MRTFB: variants seen among roughly 807,000 people sequenced by gnomAD.
MRTFB encodes myocardin related transcription factor B.
MRTFB carries 29 observed loss-of-function variants against 104.2 expected under a neutral mutation model. That is an observed-to-expected ratio of 0.28 (90% CI 0.21 to 0.38). The LOEUF (loss-of-function observed/expected upper bound fraction) is 0.38, where lower values mean the gene tolerates loss of function less well. Among genes scored for constraint, MRTFB ranks in the 10% least tolerant of loss-of-function variants. The pLI is 1.00. For synonymous variants in MRTFB, 535 were observed against 519.5 expected (o/e 1.03, Z -0.41); for missense variants, 1,270 against 1,341.6 (o/e 0.95, Z 0.83).
At chr16:14,216,172 C>G (rs905950952) in intron 6 of MRTFB, among the ~76,000 whole-genome samples, 1 of 152,180 alleles carries the variant, frequency 6.6e-6, no homozygotes, top group African/African-American at 2.4e-5. Flanking sequence ...TGCAGGGTAA[C>G]CTCCTAGCCA....
chr16:14,093,593 T>TA (rs913015681), intron 2 of MRTFB, among the ~76,000 whole-genome samples: 20 of 152,310 alleles, frequency 1.3e-4, no homozygotes, highest in Non-Finnish European at 2.6e-4. Context: ...TATGATCATT[T>TA]AAAAAAACAG....
intron 3 of MRTFB, chr16:14,150,824 T>C (rs1291378268): frequency 6.6e-6 from 1 of 152,232 alleles, no homozygotes; most frequent in Non-Finnish European, 1.5e-5. Flanking sequence ...ATGGTACATA[T>C]CAAGCAATTC....
the MRTFB span, among the ~76,000 whole-genome samples, chr16:14,050,826 A>T: frequency 2.0e-5 from 3 of 152,112 alleles, no homozygotes; most frequent in African/African-American, 7.2e-5. Context: ...CTGCTCTTGG[A>T]GGTCTCGATA....
At chr16:14,106,526 G>C (rs916269949) in intron 2 of MRTFB, among the ~76,000 whole-genome samples, 1 of 152,206 alleles carries the variant, frequency 6.6e-6, no homozygotes, top group Non-Finnish European at 1.5e-5. Context: ...AACTATGTGA[G>C]TGAGTTATTT....
At chr16:14,086,006 A>G (rs1007548568) in intron 2 of MRTFB, among the ~76,000 whole-genome samples, 1 of 152,240 alleles carries the variant, frequency 6.6e-6, no homozygotes, top group Non-Finnish European at 1.5e-5. Context: ...GTTTCATAGT[A>G]TAGACATGGG....
At chr16:14,244,904 T>G (rs776139034) in intron 10 of MRTFB, among the ~76,000 whole-genome samples, 19 of 152,232 alleles carry the variant, frequency 1.2e-4, no homozygotes, top group Non-Finnish European at 1.9e-4. Flanking sequence ...ATGTGCTGTT[T>G]AAGAAATCTT....
At chr16:14,157,668 G>C (rs544054678) in intron 3 of MRTFB, among the ~76,000 whole-genome samples, 22 of 152,292 alleles carry the variant, frequency 1.4e-4, no homozygotes, top group African/African-American at 4.8e-4. Flanking sequence ...GAGAATAACT[G>C]ATCTACAGCA....
At chr16:14,178,931 T>C (rs1029120741) in intron 3 of MRTFB, among the ~76,000 whole-genome samples, 3 of 152,064 alleles carry the variant, frequency 2.0e-5, no homozygotes, top group African/African-American at 7.2e-5. Context: ...TTTGTAGAGA[T>C]GGGGTTTCAC....
intron 16 of MRTFB, among the ~76,000 whole-genome samples, 180 bp downstream of exon 16, chr16:14,258,341 G>A (rs548115034): frequency 3.7e-4 from 57 of 152,238 alleles, no homozygotes; most frequent in Non-Finnish European, 3.8e-4. Flanking sequence ...GGCCAGGTGC[G>A]GTGGCTCACG....
chr16:14,261,675 G>T lies in MRTFB; in HGVS notation c.*231G>T, dbSNP rs2151485848. The T allele has an allele frequency of 4.4e-6, 2 of 458,252 alleles. No homozygotes were observed. The highest frequency in any genetic ancestry group is 6.7e-5 in the East Asian group (2 of 29,678). The allele number at this position is 458,252 out of a possible 1,614,324, so 28.4% of individuals were successfully genotyped here. On this transcript the variant is annotated 3_prime_UTR_variant, in exon 17 of 17. Transcript: ENST00000571589. ...ACAGGGCCTTCTGAAAATCGCACTT[G>T]TCAAAGACGACTCATCTATTTCTCC...
chr16:14,024,897 C>A, the MRTFB span, among the ~76,000 whole-genome samples: 1 of 152,166 alleles, frequency 6.6e-6, no homozygotes, highest in African/African-American at 2.4e-5. Context: ...AACAAAGACA[C>A]AGAGAAGTTA....
chr16:14,020,149 C>T, the MRTFB span, among the ~76,000 whole-genome samples: 1 of 152,082 alleles, frequency 6.6e-6, no homozygotes, highest in African/African-American at 2.4e-5. Context: ...TCCACTGTCC[C>T]ATGACCTTGC....
At chr16:14,205,176 A>G (rs2040885866) in intron 3 of MRTFB, among the ~76,000 whole-genome samples, 1 of 151,978 alleles carries the variant, frequency 6.6e-6, no homozygotes, top group East Asian at 1.9e-4. Context: ...ATTATCGGTG[A>G]TTTTCTTTTT....
chr16:14,252,558 G>T (rs1032128602), intron 15 of MRTFB, 56 bp downstream of exon 15: 1 of 1,601,164 alleles, frequency 6.2e-7, no homozygotes, highest in African/African-American at 1.3e-5. Flanking sequence ...CCCACGTTCA[G>T]TCTCGAGCAG....
intron 2 of MRTFB, among the ~76,000 whole-genome samples, chr16:14,132,265 G>A (rs780637162): frequency 6.6e-6 from 1 of 151,936 alleles, no homozygotes; most frequent in African/African-American, 2.4e-5. Context: ...GGTTGCCAGG[G>A]TCTGAGGGAG....
intron 2 of MRTFB, among the ~76,000 whole-genome samples, chr16:14,103,985 T>A (rs1315341954): frequency 6.6e-6 from 1 of 152,224 alleles, no homozygotes; most frequent in African/African-American, 2.4e-5. Flanking sequence ...GATTTAGTAT[T>A]GGCTGGGATT....
intron 3 of MRTFB, 51 bp from the exon 4 acceptor site, chr16:14,210,192 G>A (rs1411025027): frequency 2.8e-6 from 4 of 1,408,236 alleles, no homozygotes; most frequent in Non-Finnish European, 2.0e-6. Context: ...CACATAAATC[G>A]GATCCCACAG....
In MRTFB at chr16:14,246,862, G is replaced by T. The variant is rs748805975; in HGVS notation, c.1602G>T (p.Ser534=). The T allele has an allele frequency of 7.4e-6, 12 of 1,612,820 alleles. No homozygotes were observed. The highest frequency in any genetic ancestry group is 9.3e-6 in the Non-Finnish European group (11 of 1,180,022). The change falls in exon 12 of 17, where the codon TCG becomes TCT. Residue 534 remains serine, a synonymous_variant. Coordinates refer to ENST00000571589, the MANE Select transcript of MRTFB (RefSeq NM_001308142.2). Reference sequence around the variant, plus strand: ...TCACCGAGATTATGACCATGATGTCGCCTTCACAGTTCTTGAGTTCATCTC... The same window carrying T: ...TCACCGAGATTATGACCATGATGTCTCCTTCACAGTTCTTGAGTTCATCTC... ...DTFTEIMTMM[S]PSQFLSSSPL... is the part of the protein sequence containing the mutation.
At chr16:14,171,570 A>G (rs970217671) in intron 3 of MRTFB, among the ~76,000 whole-genome samples, 2 of 152,050 alleles carry the variant, frequency 1.3e-5, no homozygotes, top group African/African-American at 4.8e-5. Context: ...AAAACCAGAT[A>G]TCCTTAATGA....
Sources: allele counts gnomAD v4.1 joint callset (sites outside exome capture counted in the v4.1 genomes callset), GRCh38; gene constraint gnomAD v4.1.1; transcripts MANE v1.5; gene names NCBI Gene and HGNC (gene_info 2026-07-23, HGNC 2026-07-21).